The following DENND11 variants were observed in gnomAD, a reference collection of about 807,000 sequenced individuals.
DENND11 encodes DENN domain containing 11.
A neutral mutation model predicts 49.2 loss-of-function variants in DENND11; 34 were observed. The ratio of observed to expected loss-of-function variants is 0.69; its 90% CI spans 0.53 to 0.92. The LOEUF (loss-of-function observed/expected upper bound fraction) is 0.92, where lower values mean the gene tolerates loss of function less well. DENND11 is among the 40% of genes least tolerant of loss of function. The pLI, the probability that DENND11 is intolerant of heterozygous loss-of-function variation, is 0.00. For missense variants in DENND11, 475 were observed against 581.6 expected (o/e 0.82, Z 1.88); for synonymous variants, 238 against 230.3 (o/e 1.03, Z -0.30).
At chr7:141,675,698 T>C (rs776904603) in intron 3 of DENND11, among the ~76,000 whole-genome samples, 1 of 152,200 alleles carries the variant, frequency 6.6e-6, no homozygotes, top group Non-Finnish European at 1.5e-5. Context: ...TATAGCCTTC[T>C]ATTCTCCAAC....
At chr7:141,671,988 T>C (rs573608347) in intron 4 of DENND11, among the ~76,000 whole-genome samples, 21 of 152,234 alleles carry the variant, frequency 1.4e-4, no homozygotes, top group Non-Finnish European at 3.1e-4. Context: ...GAAGGAAATC[T>C]CTTCTGTTTC....
intron 1 of DENND11, among the ~76,000 whole-genome samples, chr7:141,688,563 T>C (rs1798279691): frequency 6.6e-6 from 1 of 152,202 alleles, no homozygotes; most frequent in South Asian, 2.1e-4. Context: ...AATGTTATGT[T>C]TGTCAGGGTC....
At chr7:141,688,140 A>C (rs1198362530) in intron 1 of DENND11, among the ~76,000 whole-genome samples, 1 of 152,182 alleles carries the variant, frequency 6.6e-6, no homozygotes, top group East Asian at 1.9e-4. Context: ...GAACTACACA[A>C]TAGCAGTGTT....
intron 1 of DENND11, among the ~76,000 whole-genome samples, chr7:141,690,974 C>T (rs1798318437): frequency 6.6e-6 from 1 of 151,686 alleles, no homozygotes; most frequent in Admixed American, 6.6e-5. Flanking sequence ...ATAGAAGGCA[C>T]TTTTTAAAAA....
Position 141,664,942 on chromosome 7 carries a change from A to G in DENND11, c.1065T>C (p.Ser355=), listed in dbSNP as rs763530362. The part of the protein sequence containing the change: ...DHLQPLLKIN[S]ADREKYRRLN... ...GCCGGCGGTACTTCTCCCTGTCAGC[A>G]CTGTTGATCTTCAGCAGCGGCTGCA... Residue 355 remains serine (S), a synonymous_variant, in exon 7 of 9, where the codon AGT becomes AGC. Transcript: ENST00000536163. The G allele has an allele frequency of 3.7e-6, 6 of 1,613,166 alleles. No individual in the cohort carries two copies. In the African/African-American group the frequency reaches 5.3e-5, roughly 14 times the overall value.
rs1232569850 is a variant in DENND11, at chr7:141,661,389, T to C, written c.*1267A>G. The stretch of plus-strand genomic sequence containing the variant: ...AAAAGCCAACCAGAGAACAGGCAGG[T>C]GGCAACAGGACCCAGCCTAGAGCAG... On this transcript the variant is annotated 3_prime_UTR_variant, in exon 9 of 9. Transcript: ENST00000536163. 1 of 152,194 alleles carries C rather than the reference T, an allele frequency of 6.6e-6. No individual in the cohort carries two copies. Among genetic ancestry groups the C allele is most frequent in the Non-Finnish European group, 1.5e-5 (1 of 68,056 alleles). The allele number at this position is 152,194 out of a possible 1,614,324, so 9.4% of individuals were successfully genotyped here. A position where few individuals can be genotyped will look rare whatever the true frequency, so the allele number is the denominator to read the frequency against.
intron 1 of DENND11, among the ~76,000 whole-genome samples, chr7:141,698,527 G>C (rs1459593292): frequency 1.3e-5 from 2 of 152,064 alleles, no homozygotes; most frequent in Non-Finnish European, 2.9e-5. Flanking sequence ...TGAACCTGAA[G>C]CCCCTAGTTC....
chr7:141,669,088 T>A lies in DENND11; in HGVS notation c.682-2663A>T, dbSNP rs1159462875. On this transcript the variant is annotated intron_variant, in intron 4 of 8. Transcript: ENST00000536163. ...CCAGCCCCCCTCCCCTGTATCCCTCTCCCACTCCCCCATTTTCCTAAGGGG... is the reference window on the plus strand; with the variant it reads ...CCAGCCCCCCTCCCCTGTATCCCTCACCCACTCCCCCATTTTCCTAAGGGG... Among the ~76,000 whole-genome samples the A allele has an allele frequency of 2.0e-5, 3 of 151,900 alleles. No homozygotes were observed. The East Asian group carries it at 5.8e-4, about 30-fold the overall frequency.
intron 1 of DENND11, among the ~76,000 whole-genome samples, chr7:141,694,881 C>T (rs1333670876): frequency 6.6e-6 from 1 of 152,210 alleles, no homozygotes; most frequent in East Asian, 1.9e-4. Flanking sequence ...CCATGCCATG[C>T]ACCTCTAGCG....
chr7:141,697,217 GCA>G (rs1798427630), intron 1 of DENND11, among the ~76,000 whole-genome samples: 1 of 152,150 alleles, frequency 6.6e-6, no homozygotes, highest in African/African-American at 2.4e-5. Flanking sequence ...GAAACATGTG[GCA>G]CAGTCCTTGG....
At chr7:141,671,586 A>G (rs766947169) in intron 4 of DENND11, among the ~76,000 whole-genome samples, 1 of 152,214 alleles carries the variant, frequency 6.6e-6, no homozygotes, top group Non-Finnish European at 1.5e-5. Flanking sequence ...CCTAGGGTCT[A>G]ACAGTTATGT....
rs796693821 is a variant in DENND11 at position 141,670,012 on chromosome 7, G to A, written c.682-3587C>T. ...TTTTTAGTAGAGACGGGGTTTCACC[G>A]TGTTAGCCAGGATGGTCTCGATCTC... On this transcript the variant is annotated intron_variant, in intron 4 of 8. Transcript: ENST00000536163. Among the ~76,000 whole-genome samples the A allele has an allele frequency of 5.4e-4, 81 of 150,406 alleles. 1 individual carries two copies. Among genetic ancestry groups the A allele is most frequent in the African/African-American group, 1.9e-3 (76 of 40,490 alleles).
chr7:141,670,728 C>T (rs1157310424), intron 4 of DENND11, among the ~76,000 whole-genome samples: 1 of 152,220 alleles, frequency 6.6e-6, no homozygotes, highest in Non-Finnish European at 1.5e-5. Flanking sequence ...GTGGACCCGT[C>T]GTAAGTCAAG....
intron 8 of DENND11, 93 bp from the exon 9 acceptor site, chr7:141,662,944 T>A: frequency 1.1e-6 from 1 of 909,640 alleles, no homozygotes; most frequent in Non-Finnish European, 1.6e-6. Flanking sequence ...ACTATACTGT[T>A]TTGTTTAATG....
intron 1 of DENND11, among the ~76,000 whole-genome samples, chr7:141,694,973 C>T (rs1035107751): frequency 5.3e-5 from 8 of 152,200 alleles, no homozygotes; most frequent in African/African-American, 1.9e-4. Flanking sequence ...CAGCACTCAC[C>T]TCCAGATACA....
Position 141,662,513 on chromosome 7 carries a change from T to C in DENND11, c.*143A>G. ...TCTAGGGAAAAGGGCAGAAAGGAAA[T>C]TGCAAAAATTATGTTTGTTGGAAAG... On this transcript the variant is annotated 3_prime_UTR_variant, in exon 9 of 9. Transcript: ENST00000536163. The C allele has an allele frequency of 5.8e-6, 3 of 519,272 alleles. No homozygotes were observed. Among genetic ancestry groups the C allele is most frequent in the South Asian group, 4.9e-5 (1 of 20,342 alleles). The allele number at this position is 519,272 out of a possible 1,614,324, so 32.2% of individuals were successfully genotyped here. A position where few individuals can be genotyped will look rare whatever the true frequency, so the allele number is the denominator to read the frequency against.
At chr7:141,688,988 A>C (rs1446697385) in intron 1 of DENND11, among the ~76,000 whole-genome samples, 1 of 152,184 alleles carries the variant, frequency 6.6e-6, no homozygotes, top group Non-Finnish European at 1.5e-5. Flanking sequence ...TGCTTCTTCT[A>C]ATACTTACTG....
In DENND11 at chr7:141,702,089, GGCAGGGAGACGGCGGGGCCCT is replaced by G. The variant is rs1798531769; in HGVS notation, c.44_64del (p.Glu15_Pro22delinsAla). On this transcript the variant is annotated inframe_deletion, in exon 1 of 9. Coordinates refer to ENST00000536163, the MANE Select transcript of DENND11 (RefSeq NM_001080392.2). Reference sequence around the variant, plus strand: ...TCCCGCCTGCGGCTGCGGGGCCTGCGGCAGGGAGACGGCGGGGCCCTCGGCCCAGCGCAGCAGCGGCGCCGC... The same window carrying G: ...TCCCGCCTGCGGCTGCGGGGCCTGCGCGGCCCAGCGCAGCAGCGGCGCCGC... 1 of 985,328 alleles carries G rather than the reference GGCAGGGAGACGGCGGGGCCCT, an allele frequency of 1.0e-6. No individual in the cohort carries two copies. Among genetic ancestry groups the G allele is most frequent in the Non-Finnish European group, 1.2e-6 (1 of 831,348 alleles). 61.0% of individuals were successfully genotyped at this position (985,328 alleles called of 1,614,324 possible). A position where few individuals can be genotyped will look rare whatever the true frequency, so the allele number is the denominator to read the frequency against.
At chr7:141,689,798 A>C (rs1798296927) in intron 1 of DENND11, among the ~76,000 whole-genome samples, 1 of 152,196 alleles carries the variant, frequency 6.6e-6, no homozygotes. Context: ...ACAAAATGTA[A>C]TTATAGTTTG....
Sources: gnomAD v4.1 joint callset for allele counts (sites outside exome capture counted in the v4.1 genomes callset) on GRCh38, gnomAD v4.1.1 for gene constraint, MANE v1.5 for transcripts, NCBI Gene and HGNC (gene_info 2026-07-23, HGNC 2026-07-21) for gene names.